Variants in PDZRN4 observed in about 807,000 individuals in gnomAD.
The protein encoded by PDZRN4 is PDZ domain containing ring finger 4, also known as PDZ domain-containing RING finger protein 4.
PDZRN4 carries 70 observed loss-of-function variants against 99.0 expected under a neutral mutation model. That is an observed-to-expected ratio of 0.71 (90% CI 0.58 to 0.86). The LOEUF is 0.86. PDZRN4 is among the 40% of genes least tolerant of loss of function. The pLI is 0.00. For missense variants in PDZRN4, 1,474 were observed against 1,331.2 expected (o/e 1.11, Z -1.67); for synonymous variants, 551 against 501.6 (o/e 1.10, Z -1.32).
At chr12:41,377,823 G>T (rs1952093339) in intron 3 of PDZRN4, among the ~76,000 whole-genome samples, 1 of 152,096 alleles carries the variant, frequency 6.6e-6, no homozygotes, top group African/African-American at 2.4e-5. Flanking sequence ...ACTTTTCTAT[G>T]TTGTTTTGCA....
At chr12:41,311,295 T>C (rs1951605183) in intron 3 of PDZRN4, among the ~76,000 whole-genome samples, 1 of 151,224 alleles carries the variant, frequency 6.6e-6, no homozygotes, top group Non-Finnish European at 1.5e-5. Flanking sequence ...GAAAAAAAAA[T>C]CCCCGTTAAA....
chr12:41,397,027 T>G (rs1952251033), intron 3 of PDZRN4, among the ~76,000 whole-genome samples: 1 of 152,140 alleles, frequency 6.6e-6, no homozygotes, highest in African/African-American at 2.4e-5. Flanking sequence ...CAAATACAGT[T>G]TTTATAATAC....
At chr12:41,235,471 G>C (rs1208414953) in intron 3 of PDZRN4, among the ~76,000 whole-genome samples, 12 of 152,110 alleles carry the variant, frequency 7.9e-5, no homozygotes, top group Admixed American at 7.9e-4. Flanking sequence ...GAAAAACTTA[G>C]AAGGGCTAGG....
At chr12:41,476,299 T>C (rs1012401912) in intron 3 of PDZRN4, among the ~76,000 whole-genome samples, 2 of 152,222 alleles carry the variant, frequency 1.3e-5, no homozygotes, top group Non-Finnish European at 2.9e-5. Context: ...TTCCATGCTA[T>C]GTATGCATTG....
At position 41,191,598 on chromosome 12, in the gene PDZRN4, G is replaced by A. The variant is rs180732378; in HGVS notation, c.735+54G>A. On this transcript the variant is annotated intron_variant, in intron 2 of 9. Coordinates refer to ENST00000402685, the MANE Select transcript of PDZRN4 (RefSeq NM_001164595.2). Reference sequence around the variant, plus strand: ...TTACTTATAAAATAAGCATTAATAAGCATTACTCATTGCTTATAAAATAAT... The same window carrying A: ...TTACTTATAAAATAAGCATTAATAAACATTACTCATTGCTTATAAAATAAT... 82 of 836,208 alleles carry A rather than the reference G, an allele frequency of 9.8e-5. 1 individual carries two copies. In the East Asian group the frequency reaches 1.9e-3, roughly 19 times the overall value. The allele number at this position is 836,208 out of a possible 1,614,324, so 51.8% of individuals were successfully genotyped here. A position where few individuals can be genotyped will look rare whatever the true frequency, so the allele number is the denominator to read the frequency against.
chr12:41,361,651 A>G (rs1230624120), intron 3 of PDZRN4, among the ~76,000 whole-genome samples: 1 of 152,088 alleles, frequency 6.6e-6, no homozygotes, highest in African/African-American at 2.4e-5. Flanking sequence ...AAAAGAAGCA[A>G]GGAATACACA....
At chr12:41,256,831 T>C (rs1332050370) in intron 3 of PDZRN4, among the ~76,000 whole-genome samples, 2 of 152,184 alleles carry the variant, frequency 1.3e-5, no homozygotes, top group African/African-American at 2.4e-5. Context: ...GAATGGTATG[T>C]CCATTCATCC....
intron 3 of PDZRN4, among the ~76,000 whole-genome samples, chr12:41,364,067 T>G (rs931034940): frequency 6.6e-6 from 1 of 152,050 alleles, no homozygotes; most frequent in Non-Finnish European, 1.5e-5. Flanking sequence ...AATATAATAA[T>G]ACAAGGAAGA....
At chr12:41,305,409 A>C (rs994487313) in intron 3 of PDZRN4, among the ~76,000 whole-genome samples, 1 of 152,182 alleles carries the variant, frequency 6.6e-6, no homozygotes, top group Admixed American at 6.5e-5. Context: ...TATTTATGTC[A>C]ATCAACTCGA....
chr12:41,515,560 T>C (rs554648804), intron 5 of PDZRN4, among the ~76,000 whole-genome samples: 1 of 152,074 alleles, frequency 6.6e-6, no homozygotes, highest in Admixed American at 6.6e-5. Context: ...TCTGTCAGTC[T>C]GGAGTTGGTT....
intron 3 of PDZRN4, among the ~76,000 whole-genome samples, chr12:41,213,376 C>T (rs939138162): frequency 1.3e-5 from 2 of 151,980 alleles, no homozygotes; most frequent in Non-Finnish European, 2.9e-5. Context: ...ATATATTTCA[C>T]GAACAGACTC....
At chr12:41,466,194 CATTA>C (rs1463272374) in intron 3 of PDZRN4, among the ~76,000 whole-genome samples, 1 of 151,934 alleles carries the variant, frequency 6.6e-6, no homozygotes, top group African/African-American at 2.4e-5. Context: ...CCCCAAACTT[CATTA>C]AAGATGGCTG....
At chr12:41,554,821 ATGTG>A (rs146892184) in intron 6 of PDZRN4, among the ~76,000 whole-genome samples, 1 of 148,584 alleles carries the variant, frequency 6.7e-6, no homozygotes, top group Non-Finnish European at 1.5e-5. Context: ...GTGTGTGTGT[ATGTG>A]TGTGTGTGTG....
At chr12:41,254,778 T>C (rs1174469683) in intron 3 of PDZRN4, among the ~76,000 whole-genome samples, 1 of 152,172 alleles carries the variant, frequency 6.6e-6, no homozygotes, top group Non-Finnish European at 1.5e-5. Context: ...GATGTCTAAG[T>C]GAGAACTGAT....
chr12:41,339,795 A>G (rs1951803299), intron 3 of PDZRN4, among the ~76,000 whole-genome samples: 1 of 152,144 alleles, frequency 6.6e-6, no homozygotes, highest in African/African-American at 2.4e-5. Context: ...AAGAAGACAT[A>G]CAAATGGCAA....
intron 3 of PDZRN4, among the ~76,000 whole-genome samples, chr12:41,441,414 C>G (rs1592060364): frequency 1.3e-5 from 2 of 152,224 alleles, no homozygotes; most frequent in South Asian, 4.2e-4. Flanking sequence ...AGAGGTCTCC[C>G]CACCACCTGC....
intron 5 of PDZRN4, among the ~76,000 whole-genome samples, chr12:41,511,131 G>A (rs1938297089): frequency 6.6e-6 from 1 of 151,942 alleles, no homozygotes; most frequent in Non-Finnish European, 1.5e-5. Context: ...AATACTTTCA[G>A]TTTGGGGACT....
intron 5 of PDZRN4, among the ~76,000 whole-genome samples, chr12:41,544,398 T>A (rs979053097): frequency 6.6e-6 from 1 of 152,310 alleles, no homozygotes; most frequent in East Asian, 1.9e-4. Context: ...GCAATTACAC[T>A]CTACACCCAA....
intron 3 of PDZRN4, among the ~76,000 whole-genome samples, chr12:41,346,203 C>CT (rs1366996868): frequency 1.3e-5 from 2 of 152,176 alleles, no homozygotes; most frequent in African/African-American, 4.8e-5. Context: ...TGGCTCACGC[C>CT]TGTAATCCCA....
Sources: allele counts gnomAD v4.1 joint callset (sites outside exome capture counted in the v4.1 genomes callset), GRCh38; gene constraint gnomAD v4.1.1; transcripts MANE v1.5; gene names NCBI Gene and HGNC (gene_info 2026-07-23, HGNC 2026-07-21).